The following TNXB variants were observed in gnomAD, a reference collection of about 807,000 sequenced individuals.
The protein encoded by TNXB is tenascin XB.
In TNXB, 183 loss-of-function variants were observed where a neutral mutation model predicts 340.5. The observed-to-expected ratio is 0.54, with a 90% CI of 0.48 to 0.61. TNXB has a LOEUF of 0.61. Among genes scored for constraint, TNXB ranks in the 20% least tolerant of loss-of-function variants. TNXB has a pLI of 0.00. For missense variants in TNXB, 4,613 were observed against 5,446.4 expected (o/e 0.85, Z 4.82); for synonymous variants, 2,121 against 2,314.5 (o/e 0.92, Z 2.40).
chr6:32,076,915 G>C (rs1779112575), intron 11 of TNXB, among the ~76,000 whole-genome samples: 2 of 152,216 alleles, frequency 1.3e-5, no homozygotes, highest in Non-Finnish European at 2.9e-5. Flanking sequence ...CTGGGAGCCA[G>C]AGGTTGCAGT....
rs748739924 is a variant in TNXB, at chr6:32,097,972, C to T, written c.227G>A (p.Arg76His). 25 of 1,606,874 alleles carry T rather than the reference C, an allele frequency of 1.6e-5. No homozygotes were observed. The highest frequency in any genetic ancestry group is 4.5e-5 in the South Asian group (4 of 89,478). Residue 76 changes from arginine to histidine, a missense_variant, in exon 2 of 44, where the codon CGC becomes CAC. Around this residue, in one of 7 missense-constraint regions of TNXB, gnomAD observed 4,327 missense variants for 4,859.4 expected, o/e 0.89. Transcript: ENST00000644971. The surrounding 1 kb of genome is among the most constrained non-coding windows in gnomAD (Gnocchi z 5.9). ...GCCAGTGGAAGGGGGCAGGTTAATG[C>T]GGTGGGTGAATACCACCTGCTTCTC... Reference protein sequence around the residue: ...GGEKQVVFTHRINLPPSTGCG... With the variant: ...GGEKQVVFTHHINLPPSTGCG...
chr6:32,056,042 G>C lies in TNXB; in HGVS notation c.8276C>G (p.Pro2759Arg). 1 of 1,613,040 alleles carries C rather than the reference G, an allele frequency of 6.2e-7. No homozygotes were observed. The change falls in exon 24 of 44, where the codon CCC becomes CGC. Residue 2759 changes from proline to arginine, a missense_variant. Pro to Arg is a moderately radical substitution (Grantham distance 103). Around this residue, in one of 7 missense-constraint regions of TNXB, gnomAD observed 4,327 missense variants for 4,859.4 expected, o/e 0.89. Transcript: ENST00000644971. ...GGTGAAGGAGTCGAAGTGGCCCTGG[G>C]GGATGGTCCAGGAGAGGCTCAGCGA... ...PDSLSLSWTIPQGHFDSFTVQ... is the reference protein window; with the variant it reads ...PDSLSLSWTIRQGHFDSFTVQ...
In TNXB at chr6:32,052,380, G is replaced by A. The variant is rs1327288376; in HGVS notation, c.9115+290C>T. ...GTAGGAGAATCACTTGAACCCAGGA[G>A]GCGGAGGTTCCAGTGAGCCGAGATT... On this transcript the variant is annotated intron_variant, in intron 26 of 43. Coordinates refer to ENST00000644971, the MANE Select transcript of TNXB (RefSeq NM_001365276.2). This position sits in a 1 kb window ranked among gnomAD's most constrained non-coding sequence, Gnocchi z 4.7. 6.6e-6 allele frequency among the ~76,000 whole-genome samples: 1 copy of A among 151,990 alleles called. No individual in the cohort carries two copies. Among genetic ancestry groups the A allele is most frequent in the Non-Finnish European group, 1.5e-5 (1 of 67,992 alleles).
chr6:32,041,791 C>G lies in TNXB; in HGVS notation c.12613G>C (p.Gly4205Arg). The G allele has an allele frequency of 1.0e-6, 1 of 973,502 alleles. No individual in the cohort carries two copies. The highest frequency in any genetic ancestry group is 1.6e-6 in the Non-Finnish European group (1 of 631,154). 60.3% of individuals were successfully genotyped at this position (973,502 alleles called of 1,614,324 possible). ...CTCACCTGATGGTCCACTGTGCTCCCGTAGAGCCCGTTGAGGTTGGCGTAG... is the reference window on the plus strand; with the variant it reads ...CTCACCTGATGGTCCACTGTGCTCCGGTAGAGCCCGTTGAGGTTGGCGTAG... The part of the protein sequence containing the change: ...CHYANLNGLY[G>R]STVDHQGVSW... Residue 4205 changes from glycine to arginine, a missense_variant, in exon 43 of 44, where the codon GGG (glycine) becomes CGG (arginine). Physicochemically the swap from Gly to Arg is moderately radical, Grantham distance 125. Coordinates refer to ENST00000644971, the MANE Select transcript of TNXB (RefSeq NM_001365276.2).
chr6:32,067,122 A>C lies in TNXB; in HGVS notation c.6544+539T>G, dbSNP rs1265710083. Among the ~76,000 whole-genome samples, 1 of 138,352 alleles carries C rather than the reference A, an allele frequency of 7.2e-6. No homozygotes were observed. Among genetic ancestry groups the C allele is most frequent in the Non-Finnish European group, 1.5e-5 (1 of 65,376 alleles). The allele number at this position is 138,352 out of a possible 152,430, so 90.8% of individuals were successfully genotyped here. On this transcript the variant is annotated intron_variant, in intron 18 of 43. Transcript: ENST00000644971. The surrounding 1 kb of genome is among the most constrained non-coding windows in gnomAD (Gnocchi z 4.2). ...GAAAGAAAGAAAGAAAGAGAAAGAA[A>C]GAAAGGAAGGAAGAAAGAAAGAAAG...
At position 32,047,450 on chromosome 6, in the gene TNXB, G is replaced by A. The variant is rs1025855937; in HGVS notation, c.10324+284C>T. ...GACACTGAGGTCCCGGGGATGAAGC[G>A]GCTTGTCCATGGTCACCCTGGCAAA... is the stretch of plus-strand genomic sequence containing the variant. On this transcript the variant is annotated intron_variant, in intron 30 of 43. Transcript: ENST00000644971. The surrounding 1 kb of genome is among the most constrained non-coding windows in gnomAD (Gnocchi z 6.2). Among the ~76,000 whole-genome samples the A allele has an allele frequency of 2.0e-5, 3 of 152,234 alleles. No homozygotes were observed. The highest frequency in any genetic ancestry group is 2.9e-5 in the Non-Finnish European group (2 of 68,050).
Position 32,089,276 on chromosome 6 carries a change from C to T in TNXB, c.2462G>A (p.Arg821Gln), listed in dbSNP as rs370610985. ...APGQEYQVTV[R>Q]ALRGTSWGLP... ...GCCCCAGCTGGTCCCTCGAAGGGCT[C>T]GGACAGTGACCTGGTACTCCTGTCC... Residue 821 changes from arginine to glutamine, a missense_variant, in exon 5 of 44, where the codon CGA (arginine) becomes CAA (glutamine). Physicochemically the swap from Arg to Gln is conservative, Grantham distance 43 (BLOSUM62 1). Coordinates refer to ENST00000644971, the MANE Select transcript of TNXB (RefSeq NM_001365276.2). This position sits in a 1 kb window ranked among gnomAD's most constrained non-coding sequence, Gnocchi z 6.2. 18 of 1,607,410 alleles carry T rather than the reference C, an allele frequency of 1.1e-5. No individual in the cohort carries two copies. Among genetic ancestry groups the T allele is most frequent in the Non-Finnish European group, 1.4e-5 (16 of 1,178,080 alleles).
Position 32,097,528 on chromosome 6 carries a change from G to C in TNXB, c.404-79C>G. 1 of 1,500,560 alleles carries C rather than the reference G, an allele frequency of 6.7e-7. No individual in the cohort carries two copies. The highest frequency in any genetic ancestry group is 8.9e-7 in the Non-Finnish European group (1 of 1,121,818). 93.0% of individuals were successfully genotyped at this position (1,500,560 alleles called of 1,614,324 possible). A position where few individuals can be genotyped will look rare whatever the true frequency, so the allele number is the denominator to read the frequency against. ...AGCCTATGTAGTGCTCCTATGTGCA[G>C]GCCCCTAGCCAGGCTAGCCTCATCT... On this transcript the variant is annotated intron_variant, in intron 2 of 43. Transcript: ENST00000644971. The surrounding 1 kb of genome is among the most constrained non-coding windows in gnomAD (Gnocchi z 5.9).
rs1776860638 is a variant in TNXB at position 32,046,218 on chromosome 6, A to T, written c.10563T>A (p.Leu3521=). The T allele has an allele frequency of 6.3e-7, 1 of 1,598,464 alleles. No homozygotes were observed. Among genetic ancestry groups the T allele is most frequent in the Non-Finnish European group, 8.5e-7 (1 of 1,172,026 alleles). Residue 3521 remains leucine (L), a synonymous_variant, in exon 31 of 44, where the codon CTT becomes CTA. Transcript: ENST00000644971. The surrounding 1 kb of genome is among the most constrained non-coding windows in gnomAD (Gnocchi z 6.9). ...KKYKFLLYGL[L]GGKRLGPVSA... ...AGACCGGGCCCAGGCGCTTTCCCCC[A>T]AGGAGCCCGTAGAGCAGAAACTTGT... is the stretch of plus-strand genomic sequence containing the variant.
rs768750593 is a variant in TNXB, at chr6:32,073,818, A to G, written c.4510T>C (p.Phe1504Leu). The G allele has an allele frequency of 1.9e-6, 3 of 1,612,696 alleles. No individual in the cohort carries two copies. The Admixed American group carries it at 5.0e-5, about 27-fold the overall frequency. ...WTVPEGQFDSFIVQYKDKDGQ... is the reference protein window; with the variant it reads ...WTVPEGQFDSLIVQYKDKDGQ... The stretch of plus-strand genomic sequence containing the variant: ...TCCTTGTCCTTGTACTGGACTATGA[A>G]GGAGTCAAACTGGCCCTCGGGGACT... The change falls in exon 12 of 44, where the codon TTC becomes CTC. Residue 1504 changes from phenylalanine (F) to leucine (L), a missense_variant. Coordinates refer to ENST00000644971, the MANE Select transcript of TNXB (RefSeq NM_001365276.2). This position sits in a 1 kb window ranked among gnomAD's most constrained non-coding sequence, Gnocchi z 4.6.
rs1485930492 is a variant in TNXB, at chr6:32,070,312, TCAGGAACCGTC to T, written c.5082_5092del (p.Trp1694Ter). 1.2e-6 allele frequency: 2 copies of T among 1,612,846 alleles called. No homozygotes were observed. The highest frequency in any genetic ancestry group is 2.2e-5 in the South Asian group (2 of 90,878). On this transcript the variant is annotated stop_gained and frameshift_variant, in exon 14 of 44. Transcript: ENST00000644971. LOFTEE classifies it high-confidence loss of function. This position sits in a 1 kb window ranked among gnomAD's most constrained non-coding sequence, Gnocchi z 6.0. The stretch of plus-strand genomic sequence containing the variant: ...GACCACAAAAGAGTCGAACTGGCCC[TCAGGAACCGTC>T]CAGGAGAGGCGCAGTGAGTCTGGGG...
At position 32,046,286 on chromosome 6, in the gene TNXB, G is replaced by C; in HGVS notation, c.10495C>G (p.Gln3499Glu). ...AGGTCCTCTACGGTGACTGTGCGCT[G>C]GTCTGCGGCCACAGGCACTGCCCTG... ...QPRAVPVAADQRTVTVEDLEP... is the reference protein window; with the variant it reads ...QPRAVPVAADERTVTVEDLEP... The change falls in exon 31 of 44, where the codon CAG becomes GAG. Residue 3499 changes from glutamine to glutamate, a missense_variant. Gln to Glu is a conservative substitution (Grantham distance 29, BLOSUM62 2). This residue lies in a region of TNXB where 4,327 missense variants were observed against 4,859.4 expected (regional missense o/e 0.89). Coordinates refer to ENST00000644971, the MANE Select transcript of TNXB (RefSeq NM_001365276.2). This position sits in a 1 kb window ranked among gnomAD's most constrained non-coding sequence, Gnocchi z 6.9. The C allele has an allele frequency of 1.2e-6, 2 of 1,606,710 alleles. No homozygotes were observed. Among genetic ancestry groups the C allele is most frequent in the Non-Finnish European group, 1.7e-6 (2 of 1,178,186 alleles).
rs897308832 is a variant in TNXB, at chr6:32,090,705, G to A, written c.2359-1326C>T. ...CTTTGTCAGTTTTCTGGGTTGAAAA[G>A]TTTTCCTGGGCACATAGGACCTCCA... On this transcript the variant is annotated intron_variant, in intron 4 of 43. Transcript: ENST00000644971. This position sits in a 1 kb window ranked among gnomAD's most constrained non-coding sequence, Gnocchi z 4.3. Among the ~76,000 whole-genome samples, 3 of 152,154 alleles carry A rather than the reference G, an allele frequency of 2.0e-5. No homozygotes were observed. The highest frequency in any genetic ancestry group is 4.4e-5 in the Non-Finnish European group (3 of 68,020).
chr6:32,043,471 C>T lies in TNXB; in HGVS notation c.11616G>A (p.Val3872=), dbSNP rs28361049. The T allele has an allele frequency of 0.5, 300,243 of 600,690 alleles. 77,642 individuals are homozygous for T. The highest frequency in any genetic ancestry group is 0.61 in the South Asian group (34,101 of 55,994). 37.2% of individuals were successfully genotyped at this position (600,690 alleles called of 1,614,324 possible). ...CTGTGACCTGGACGTCATAGGTGTC[C>T]ACAGGATTCTGGGGGGGCTTCCAGT... ...VLHWKPPQNP[V]DTYDVQVTAP... is the part of the protein sequence containing the mutation. The change falls in exon 36 of 44, where the codon GTG becomes GTA. Residue 3872 remains valine, a synonymous_variant. Coordinates refer to ENST00000644971, the MANE Select transcript of TNXB (RefSeq NM_001365276.2).
chr6:32,088,714 C>T, intron 6 of TNXB, 71 bp downstream of exon 6: 1 of 1,518,240 alleles, frequency 6.6e-7, no homozygotes, highest in South Asian at 1.3e-5. Flanking sequence ...GAGCCCTGAG[C>T]CTGGGCTCCT....
chr6:32,073,986 G>C lies in TNXB; in HGVS notation c.4376-34C>G. The C allele has an allele frequency of 6.7e-7, 1 of 1,500,870 alleles. No individual in the cohort carries two copies. Among genetic ancestry groups the C allele is most frequent in the Non-Finnish European group, 9.0e-7 (1 of 1,114,032 alleles). The allele number at this position is 1,500,870 out of a possible 1,614,324, so 93.0% of individuals were successfully genotyped here. On this transcript the variant is annotated intron_variant, in intron 11 of 43. Coordinates refer to ENST00000644971, the MANE Select transcript of TNXB (RefSeq NM_001365276.2). The surrounding 1 kb of genome is among the most constrained non-coding windows in gnomAD (Gnocchi z 4.6). ...GAGATGGTAGGGGGCTGTTAGTAAA[G>C]AATCCCCCTTTTCTTATAGTAATGA...
At chr6:32,104,809 A>T (rs1176215943) in intron 1 of TNXB, among the ~76,000 whole-genome samples, 2 of 150,826 alleles carry the variant, frequency 1.3e-5, no homozygotes, top group African/African-American at 2.4e-5. Flanking sequence ...CTAATTTTTA[A>T]TTTTTTTTGC....
chr6:32,046,259 C>G lies in TNXB; in HGVS notation c.10522G>C (p.Glu3508Gln). 6.2e-7 allele frequency: 1 copy of G among 1,605,808 alleles called. No homozygotes were observed. Among genetic ancestry groups the G allele is most frequent in the Non-Finnish European group, 8.5e-7 (1 of 1,177,862 alleles). ...AGAAACTTGTATTTCTTGCCAGGCT[C>G]CAGGTCCTCTACGGTGACTGTGCGC... Reference protein sequence around the residue: ...DQRTVTVEDLEPGKKYKFLLY... With the variant: ...DQRTVTVEDLQPGKKYKFLLY... Residue 3508 changes from glutamate (E) to glutamine (Q), a missense_variant, in exon 31 of 44, where the codon GAG becomes CAG. Glu to Gln is a conservative substitution (Grantham distance 29, BLOSUM62 2). This residue lies in a region of TNXB where 4,327 missense variants were observed against 4,859.4 expected (regional missense o/e 0.89). Coordinates refer to ENST00000644971, the MANE Select transcript of TNXB (RefSeq NM_001365276.2). This position sits in a 1 kb window ranked among gnomAD's most constrained non-coding sequence, Gnocchi z 6.9.
chr6:32,048,106 G>T, intron 29 of TNXB, 94 bp from the exon 30 acceptor site: 1 of 1,435,758 alleles, frequency 7.0e-7, no homozygotes, highest in Non-Finnish European at 9.5e-7. Context: ...CCGGTCCCAG[G>T]AACGGGAGGG....
Sources: gnomAD v4.1 joint callset for allele counts (sites outside exome capture counted in the v4.1 genomes callset) on GRCh38, gnomAD v4.1.1 for gene constraint, gnomAD v4.1.1 regional missense constraint, Gnocchi (gnomAD v3.1) non-coding constraint, MANE v1.5 for transcripts, NCBI Gene and HGNC (gene_info 2026-07-23, HGNC 2026-07-21) for gene names.